The following RABEP1 variants were observed in gnomAD, a reference collection of about 807,000 sequenced individuals.
RABEP1 encodes rabaptin, RAB GTPase binding effector protein 1.
A neutral mutation model predicts 123.4 loss-of-function variants in RABEP1; 51 were observed. That is an observed-to-expected ratio of 0.41 (90% CI 0.33 to 0.52). The LOEUF is 0.52. Among genes scored for constraint, RABEP1 ranks in the 20% least tolerant of loss-of-function variants. The pLI is 0.16. For missense variants in RABEP1, 888 were observed against 996.3 expected (o/e 0.89, Z 1.46); for synonymous variants, 347 against 355.2 (o/e 0.98, Z 0.26).
intron 5 of RABEP1, among the ~76,000 whole-genome samples, chr17:5,344,898 C>A (rs1037912235): frequency 6.6e-6 from 1 of 150,762 alleles, no homozygotes; most frequent in African/African-American, 2.4e-5. Context: ...CAGAGGTTGA[C>A]GTTGCAGTAA....
At chr17:5,359,606 C>A (rs1909328429) in intron 8 of RABEP1, among the ~76,000 whole-genome samples, 1 of 151,916 alleles carries the variant, frequency 6.6e-6, no homozygotes, top group South Asian at 2.1e-4. Flanking sequence ...AGATGAGTAA[C>A]AATCTTTAAA....
intron 16 of RABEP1, 120 bp downstream of exon 16, chr17:5,380,582 A>AACTG: frequency 1.2e-6 from 1 of 849,506 alleles, no homozygotes; most frequent in Middle Eastern, 3.3e-4. Context: ...AAGTTGGCAA[A>AACTG]ACTGACAGCT....
rs759226005 is a variant in RABEP1 at position 5,380,345 on chromosome 17, G to A, written c.2272-19G>A. ...CCAGAGGGAGTTTCTGTGAGTTTCA[G>A]CTTTTTCCTTTTTCACAGTTGGAGT... On this transcript the variant is annotated intron_variant, in intron 15 of 17. Transcript: ENST00000537505. 2.0e-6 allele frequency: 3 copies of A among 1,511,654 alleles called. No homozygotes were observed. Among genetic ancestry groups the A allele is most frequent in the Non-Finnish European group, 2.7e-6 (3 of 1,114,180 alleles). The allele number at this position is 1,511,654 out of a possible 1,614,324, so 93.6% of individuals were successfully genotyped here.
rs535514373 is a variant in RABEP1 at position 5,313,069 on chromosome 17, C to T, written c.163+4247C>T. ...AAGTTGCAGTGAGCCAAGATCGCGC[C>T]ACTGCACTCCAGCCTGGTCGACAGA... On this transcript the variant is annotated intron_variant, in intron 2 of 17. Transcript: ENST00000537505. 1.2e-4 allele frequency among the ~76,000 whole-genome samples: 19 copies of T among 152,300 alleles called. No homozygotes were observed. The South Asian group carries it at 3.7e-3, about 30-fold the overall frequency.
rs750029567 is a variant in RABEP1 at position 5,332,060 on chromosome 17, C to T, written c.275C>T (p.Ala92Val). Residue 92 changes from alanine (A) to valine (V), a missense_variant, in exon 3 of 18, where the codon GCC becomes GTC. Ala to Val is a moderately conservative substitution (Grantham distance 64, BLOSUM62 0). Coordinates refer to ENST00000537505, the MANE Select transcript of RABEP1 (RefSeq NM_004703.6). ...QAEMENIKAI[A>V]TVSENTKQEA... ...GAGATGGAGAATATTAAGGCGATTG[C>T]CACAGTCTCTGAGAACACCAAGCAA... The T allele has an allele frequency of 2.5e-6, 4 of 1,614,018 alleles. No individual in the cohort carries two copies. The highest frequency in any genetic ancestry group is 3.4e-6 in the Non-Finnish European group (4 of 1,180,002).
At position 5,375,395 on chromosome 17, in the gene RABEP1, A is replaced by G. The variant is rs571036799; in HGVS notation, c.2026-1721A>G. Reference sequence around the variant, plus strand: ...TCTGAATTGGTGACTGCTGTCATCAAAAGAAGGTATCGGGGGCAGGGTATG... The same window carrying G: ...TCTGAATTGGTGACTGCTGTCATCAGAAGAAGGTATCGGGGGCAGGGTATG... On this transcript the variant is annotated intron_variant, in intron 13 of 17. Coordinates refer to ENST00000537505, the MANE Select transcript of RABEP1 (RefSeq NM_004703.6). Among the ~76,000 whole-genome samples, 11 of 152,204 alleles carry G rather than the reference A, an allele frequency of 7.2e-5. No homozygotes were observed. In the South Asian group the frequency reaches 2.1e-3, roughly 29 times the overall value.
intron 4 of RABEP1, chr17:5,336,443 A>C: frequency 2.1e-6 from 1 of 467,496 alleles, no homozygotes; most frequent in Non-Finnish European, 4.2e-6. Context: ...TTTTGTATTC[A>C]GATTGCATTA....
chr17:5,302,443 A>T (rs539338090), intron 1 of RABEP1, among the ~76,000 whole-genome samples: 1 of 151,716 alleles, frequency 6.6e-6, no homozygotes, highest in South Asian at 2.1e-4. Context: ...GTTTTGCCAT[A>T]TTAGCCAGGC....
Position 5,314,234 on chromosome 17 carries a change from C to CTTTTTT in RABEP1, c.163+5433_163+5438dup, listed in dbSNP as rs71151864. On this transcript the variant is annotated intron_variant, in intron 2 of 17. Transcript: ENST00000537505. ...GCCTGTTCTTTTCTTAGTACCTATT[C>CTTTTTT]TTTTTTTTTTTTTTTTTTTTTTTTT... is the stretch of plus-strand genomic sequence containing the variant. Among the ~76,000 whole-genome samples the CTTTTTT allele has an allele frequency of 8.8e-4, 49 of 55,580 alleles. 7 individuals carry two copies. Among genetic ancestry groups the CTTTTTT allele is most frequent in the African/African-American group, 1.7e-3 (25 of 14,530 alleles). The allele number at this position is 55,580 out of a possible 152,430, so 36.5% of individuals were successfully genotyped here. A position where few individuals can be genotyped will look rare whatever the true frequency, so the allele number is the denominator to read the frequency against.
intron 5 of RABEP1, 87 bp from the exon 6 acceptor site, chr17:5,346,702 TG>T: frequency 9.7e-7 from 1 of 1,034,844 alleles, no homozygotes; most frequent in Non-Finnish European, 1.3e-6. Flanking sequence ...TAAATTTTTT[TG>T]AGGCATAGCC....
intron 15 of RABEP1, among the ~76,000 whole-genome samples, chr17:5,379,878 C>T (rs1911306713): frequency 6.6e-6 from 1 of 152,226 alleles, no homozygotes; most frequent in African/African-American, 2.4e-5. Flanking sequence ...CCTCACACCT[C>T]TCTGCCTCAG....
intron 1 of RABEP1, among the ~76,000 whole-genome samples, chr17:5,308,042 T>C (rs1284598580): frequency 6.6e-6 from 1 of 152,200 alleles, no homozygotes; most frequent in Non-Finnish European, 1.5e-5. Flanking sequence ...GGTTCATTTG[T>C]GGGATAAGTA....
At chr17:5,367,320 A>T (rs145760229) in intron 11 of RABEP1, among the ~76,000 whole-genome samples, 1 of 151,574 alleles carries the variant, frequency 6.6e-6, no homozygotes, top group African/African-American at 2.4e-5. Context: ...CGCCCAGGCT[A>T]GAGTGCAGTG....
At chr17:5,361,761 G>A in intron 9 of RABEP1, 86 bp downstream of exon 9, 1 of 1,169,628 alleles carries the variant, frequency 8.5e-7, no homozygotes, top group Non-Finnish European at 1.2e-6. Context: ...TCAACAGACG[G>A]TTCCTGGAGT....
At chr17:5,320,558 G>C (rs1332743399) in intron 2 of RABEP1, among the ~76,000 whole-genome samples, 1 of 151,902 alleles carries the variant, frequency 6.6e-6, no homozygotes, top group Non-Finnish European at 1.5e-5. Flanking sequence ...AATAGTAATA[G>C]CTATGGCAGC....
At chr17:5,332,596 A>ATATTTT (rs1555521415) in intron 3 of RABEP1, among the ~76,000 whole-genome samples, 1 of 105,916 alleles carries the variant, frequency 9.4e-6, no homozygotes, top group Non-Finnish European at 1.9e-5. Context: ...ACGTTTTAGA[A>ATATTTT]TTTTTTTTTT....
intron 5 of RABEP1, among the ~76,000 whole-genome samples, chr17:5,345,669 CAT>C (rs908015363): frequency 6.6e-5 from 10 of 152,272 alleles, no homozygotes; most frequent in African/African-American, 1.9e-4. Flanking sequence ...TTGTTCATAT[CAT>C]GTGCTGGACT....
chr17:5,299,431 T>C (rs1462680264), intron 1 of RABEP1, among the ~76,000 whole-genome samples: 5 of 151,712 alleles, frequency 3.3e-5, no homozygotes, highest in Non-Finnish European at 5.9e-5. Context: ...ATCACTATTA[T>C]CCTTAAACAG....
chr17:5,368,239 G>C, intron 11 of RABEP1, 131 bp from the exon 12 acceptor site: 2 of 654,574 alleles, frequency 3.1e-6, no homozygotes, highest in Non-Finnish European at 5.3e-6. Context: ...TGCAGCTGTT[G>C]GATGATGGTC....
Sources: allele counts gnomAD v4.1 joint callset (sites outside exome capture counted in the v4.1 genomes callset), GRCh38; gene constraint gnomAD v4.1.1; transcripts MANE v1.5; gene names NCBI Gene and HGNC (gene_info 2026-07-23, HGNC 2026-07-21).